TPRG1: variants seen among roughly 807,000 people sequenced by gnomAD.
The protein encoded by TPRG1 is tumor protein p63-regulated gene 1 protein.
A neutral mutation model predicts 29.3 loss-of-function variants in TPRG1; 29 were observed. That is an observed-to-expected ratio of 0.99 (90% confidence interval 0.74 to 1.35). TPRG1 has a LOEUF of 1.35. Among genes scored for constraint, TPRG1 ranks in the 40% most tolerant of loss-of-function variants. The probability of loss-of-function intolerance (pLI) is 0.00; values close to 1 mark genes in which losing one functional copy is unlikely to be tolerated. For missense variants in TPRG1, 327 were observed against 335.0 expected (o/e 0.98, Z 0.19); for synonymous variants, 130 against 116.8 (o/e 1.11, Z -0.73).
At chr3:189,133,963 T>G (rs979798511) in intron 3 of TPRG1, among the ~76,000 whole-genome samples, 4 of 152,224 alleles carry the variant, frequency 2.6e-5, no homozygotes, top group Non-Finnish European at 5.9e-5. Flanking sequence ...AGTTGCTCAC[T>G]TCATAGAAGT....
intron 1 of TPRG1, among the ~76,000 whole-genome samples, chr3:189,100,824 T>C (rs1397067471): frequency 6.6e-6 from 1 of 152,020 alleles, no homozygotes; most frequent in African/African-American, 2.4e-5. Context: ...CATCTGCCAG[T>C]GGGGCCACTG....
chr3:189,270,517 C>G (rs1007123705), intron 4 of TPRG1, among the ~76,000 whole-genome samples: 1 of 152,184 alleles, frequency 6.6e-6, no homozygotes, highest in East Asian at 1.9e-4. Context: ...GAATGTGGAG[C>G]CCAGGTCCCC....
intron 3 of TPRG1, among the ~76,000 whole-genome samples, chr3:189,144,918 G>A (rs934077335): frequency 5.3e-5 from 8 of 152,172 alleles, no homozygotes; most frequent in South Asian, 2.1e-4. Context: ...CTGGTTTCAC[G>A]GGCAGGTGAA....
chr3:189,290,383 A>C (rs543573365), intron 4 of TPRG1, among the ~76,000 whole-genome samples: 16 of 152,330 alleles, frequency 1.1e-4, no homozygotes, highest in African/African-American at 3.8e-4. Context: ...ACATTCATCC[A>C]TGTCTTAAAG....
intron 3 of TPRG1, among the ~76,000 whole-genome samples, chr3:189,139,331 G>A (rs1724205029): frequency 6.6e-6 from 1 of 152,116 alleles, no homozygotes; most frequent in African/African-American, 2.4e-5. Flanking sequence ...CCACACTTTG[G>A]GGAGCTGACC....
chr3:189,001,177 A>G (rs79982587), intron 2 of TPRG1, among the ~76,000 whole-genome samples: 5,862 of 152,252 alleles, frequency 0.039, 371 homozygotes, highest in African/African-American at 0.13. Context: ...CCAACCAGAG[A>G]CATGTATTCA....
At chr3:189,038,174 C>T (rs969095511) in intron 4 of TPRG1, among the ~76,000 whole-genome samples, 5 of 151,838 alleles carry the variant, frequency 3.3e-5, no homozygotes, top group Admixed American at 3.3e-4. Flanking sequence ...AAATAGCCTG[C>T]CACATGATCA....
At chr3:189,278,539 T>A (rs1250838822) in intron 4 of TPRG1, among the ~76,000 whole-genome samples, 2 of 152,224 alleles carry the variant, frequency 1.3e-5, no homozygotes, top group African/African-American at 2.4e-5. Flanking sequence ...GTAGTCCATA[T>A]GCTTGTTAAA....
chr3:189,080,025 T>C (rs74561188), intron 4 of TPRG1, among the ~76,000 whole-genome samples: 2,071 of 152,292 alleles, frequency 0.014, 46 homozygotes, highest in African/African-American at 0.045. Flanking sequence ...TAAATAGATA[T>C]CTGTTGAATG....
At chr3:189,319,710 A>G (rs1724080713) in intron 5 of TPRG1, among the ~76,000 whole-genome samples, 1 of 152,062 alleles carries the variant, frequency 6.6e-6, no homozygotes, top group Admixed American at 6.6e-5. Context: ...GATTATTATT[A>G]TTTGTAAAAT....
chr3:189,069,468 CGATA>C (rs1188021002), intron 4 of TPRG1, among the ~76,000 whole-genome samples: 3 of 151,838 alleles, frequency 2.0e-5, no homozygotes, highest in Non-Finnish European at 4.4e-5. Context: ...TGATATTGTA[CGATA>C]GATAGTTTAA....
chr3:189,139,607 T>C (rs866122291), intron 3 of TPRG1, among the ~76,000 whole-genome samples: 149 of 152,126 alleles, frequency 9.8e-4, no homozygotes, highest in Admixed American at 7.1e-3. Flanking sequence ...AAAACAAATA[T>C]AGCAGCGTTT....
intron 1 of TPRG1, among the ~76,000 whole-genome samples, chr3:189,102,953 C>G (rs1479499146): frequency 1.3e-5 from 2 of 152,176 alleles, no homozygotes; most frequent in Non-Finnish European, 2.9e-5. Context: ...CTAACTTCCT[C>G]TTAAACTTGT....
At chr3:189,131,889 C>T (rs779890482) in intron 2 of TPRG1, among the ~76,000 whole-genome samples, 3 of 152,144 alleles carry the variant, frequency 2.0e-5, no homozygotes, top group Non-Finnish European at 4.4e-5. Flanking sequence ...TTAAAGCCAA[C>T]GTTTAGCCAA....
intron 4 of TPRG1, among the ~76,000 whole-genome samples, chr3:189,298,175 A>T (rs1345266192): frequency 6.6e-6 from 1 of 152,140 alleles, no homozygotes; most frequent in Non-Finnish European, 1.5e-5. Context: ...TTCAGGAAAC[A>T]TTGGCATTTC....
upstream of TPRG1, among the ~76,000 whole-genome samples, chr3:189,167,531 T>G (rs937620493): frequency 1.3e-5 from 2 of 152,132 alleles, no homozygotes. Context: ...TGAGGCCAAG[T>G]GCAAAGTGAA....
chr3:189,158,188 T>C (rs1406035220), intron 5 of TPRG1, among the ~76,000 whole-genome samples: 1 of 152,204 alleles, frequency 6.6e-6, no homozygotes, highest in Non-Finnish European at 1.5e-5. Flanking sequence ...ATTTCCTGGC[T>C]TTCGAACTGC....
intron 3 of TPRG1, among the ~76,000 whole-genome samples, chr3:189,015,373 T>C (rs573781245): frequency 6.6e-6 from 1 of 152,248 alleles, no homozygotes; most frequent in South Asian, 2.1e-4. Flanking sequence ...AAACTTATGT[T>C]TAAAAGGTAA....
intron 3 of TPRG1, among the ~76,000 whole-genome samples, chr3:189,224,479 A>AAAC (rs1008855767): frequency 3.4e-5 from 5 of 147,988 alleles, no homozygotes; most frequent in Non-Finnish European, 7.4e-5. Context: ...ACTCCATCTC[A>AAAC]AACAACAACA....
Sources: gnomAD v4.1 joint callset for allele counts (sites outside exome capture counted in the v4.1 genomes callset) on GRCh38, gnomAD v4.1.1 for gene constraint, MANE v1.5 for transcripts, NCBI Gene and HGNC (gene_info 2026-07-23, HGNC 2026-07-21) for gene names.